The following AMER3 variants were observed in gnomAD, a reference collection of about 807,000 sequenced individuals.
The protein encoded by AMER3 is family with sequence similarity 123C.
For missense variants in AMER3, 1,201 were observed against 1,139.4 expected, an observed-to-expected ratio of 1.05 and a Z score of -0.78; for synonymous variants, 541 against 485.5, an observed-to-expected ratio of 1.11 and a Z score of -1.50.
Position 130,766,532 on chromosome 2 carries a change from C to T in AMER3, c.*1874C>T, listed in dbSNP as rs1678988129. 1 of 145,486 alleles carries T rather than the reference C, an allele frequency of 6.9e-6. No individual in the cohort carries two copies. Among genetic ancestry groups the T allele is most frequent in the Non-Finnish European group, 1.5e-5 (1 of 67,054 alleles). The allele number at this position is 145,486 out of a possible 1,614,324, so 9.0% of individuals were successfully genotyped here. ...TTGAGACAGGGTCTCACTTTGTTGC[C>T]CAGGTGGGAATGGGAGTGCAGTGGC... is the stretch of plus-strand genomic sequence containing the variant. On this transcript the variant is annotated 3_prime_UTR_variant, in exon 2 of 2. Coordinates refer to ENST00000321420, the MANE Select transcript of AMER3 (RefSeq NM_152698.3).
chr2:130,762,628 T>A lies in AMER3; in HGVS notation c.556T>A (p.Ser186Thr), dbSNP rs780375294. Residue 186 changes from serine to threonine, a missense_variant, in exon 2 of 2, where the codon TCC (serine) becomes ACC (threonine). Coordinates refer to ENST00000321420, the MANE Select transcript of AMER3 (RefSeq NM_152698.3). The stretch of plus-strand genomic sequence containing the variant: ...GGCGGCCGAGGGGAAAAGCCTGCCC[T>A]CCCCAGGGGACCCGTCAGACCCTGG... ...SLAAEGKSLP[S>T]PGDPSDPGGR... 5.0e-6 allele frequency: 8 copies of A among 1,611,648 alleles called. No homozygotes were observed. In the East Asian group the frequency reaches 1.6e-4, roughly 31 times the overall value.
chr2:130,762,414 T>C lies in AMER3; in HGVS notation c.342T>C (p.Ser114=), dbSNP rs757905929. ...ATAATGQLVG[S]ASFPGSPGSR... is the part of the protein sequence containing the mutation. ...CTGCCACAGGGCAGCTGGTGGGCAG[T>C]GCAAGCTTCCCGGGCTCCCCGGGCA... Residue 114 remains serine (S), a synonymous_variant, in exon 2 of 2, where the codon AGT becomes AGC. Transcript: ENST00000321420. The C allele has an allele frequency of 4.4e-5, 71 of 1,612,306 alleles. No homozygotes were observed. The highest frequency in any genetic ancestry group is 1.7e-4 in the Middle Eastern group (1 of 5,996).
Position 130,764,055 on chromosome 2 carries a change from T to G in AMER3, c.1983T>G (p.Gly661=). Residue 661 remains glycine, a synonymous_variant, in exon 2 of 2, where the codon GGT becomes GGG. Transcript: ENST00000321420. The part of the protein sequence containing the change: ...LGCFRGPWRP[G]HGGDTLDAEP... ...GTTTCCGAGGCCCCTGGAGGCCAGG[T>G]CACGGAGGTGACACTCTGGATGCAG... is the stretch of plus-strand genomic sequence containing the variant. The G allele has an allele frequency of 6.2e-7, 1 of 1,612,434 alleles. No individual in the cohort carries two copies. Among genetic ancestry groups the G allele is most frequent in the African/African-American group, 1.3e-5 (1 of 75,000 alleles).
rs950828662 is a variant in AMER3, at chr2:130,766,359, A to G, written c.*1701A>G. On this transcript the variant is annotated 3_prime_UTR_variant, in exon 2 of 2. Coordinates refer to ENST00000321420, the MANE Select transcript of AMER3 (RefSeq NM_152698.3). ...GGGCCTGAAGGGCGTCCCCTCAGGA[A>G]CATTGTATTACTGTTTTGTGTTGCT... The G allele has an allele frequency of 2.4e-5, 4 of 167,106 alleles. No individual in the cohort carries two copies. Among genetic ancestry groups the G allele is most frequent in the African/African-American group, 9.6e-5 (4 of 41,458 alleles). The allele number at this position is 167,106 out of a possible 1,614,324, so 10.4% of individuals were successfully genotyped here.
intron 1 of AMER3, among the ~76,000 whole-genome samples, chr2:130,759,713 T>G (rs1244952576): frequency 6.6e-6 from 1 of 152,238 alleles, no homozygotes; most frequent in Non-Finnish European, 1.5e-5. Context: ...CAAAAGAGTC[T>G]GAGCTGTCGG....
At chr2:130,759,654 C>T (rs570211049) in intron 1 of AMER3, among the ~76,000 whole-genome samples, 6 of 152,242 alleles carry the variant, frequency 3.9e-5, no homozygotes, top group African/African-American at 1.4e-4. Flanking sequence ...TTGTGTTTTA[C>T]AATATTTTTC....
rs1297298563 is a variant in AMER3 at position 130,762,263 on chromosome 2, G to T, written c.191G>T (p.Arg64Ile). The T allele has an allele frequency of 1.3e-6, 2 of 1,579,674 alleles. 1 individual carries two copies. The highest frequency in any genetic ancestry group is 2.3e-5 in the South Asian group (2 of 86,620). ...QASPSAQEYD[R>I]CPNKGAQLDP... ...AGCCCCAGTGCCCAAGAATACGACA[G>T]ATGCCCCAACAAAGGGGCGCAGCTG... The change falls in exon 2 of 2, where the codon AGA becomes ATA. Residue 64 changes from arginine (R) to isoleucine (I), a missense_variant. Transcript: ENST00000321420.
rs373041378 is a variant in AMER3 at position 130,762,705 on chromosome 2, C to A, written c.633C>A (p.Asp211Glu). The A allele has an allele frequency of 1.2e-6, 2 of 1,611,570 alleles. No homozygotes were observed. Among genetic ancestry groups the A allele is most frequent in the Admixed American group, 3.3e-5 (2 of 60,008 alleles). Residue 211 changes from aspartate (D) to glutamate (E), a missense_variant, in exon 2 of 2, where the codon GAC becomes GAA. Asp to Glu is a conservative substitution (Grantham distance 45). Transcript: ENST00000321420. ...FLPPGEGPGL[D>E]GLCQDLLDSE... is the part of the protein sequence containing the mutation. The stretch of plus-strand genomic sequence containing the variant: ...CCCCGGGTGAGGGGCCGGGGCTGGA[C>A]GGCCTGTGCCAGGACCTGTTGGACA...
Position 130,762,267 on chromosome 2 carries a change from C to T in AMER3, c.195C>T (p.Cys65=). Residue 65 remains cysteine (C), a synonymous_variant, in exon 2 of 2, where the codon TGC becomes TGT. Coordinates refer to ENST00000321420, the MANE Select transcript of AMER3 (RefSeq NM_152698.3). ...ASPSAQEYDR[C]PNKGAQLDPK... is the part of the protein sequence containing the mutation. The stretch of plus-strand genomic sequence containing the variant: ...CCAGTGCCCAAGAATACGACAGATG[C>T]CCCAACAAAGGGGCGCAGCTGGACC... 1 of 1,579,998 alleles carries T rather than the reference C, an allele frequency of 6.3e-7. No individual in the cohort carries two copies. The highest frequency in any genetic ancestry group is 1.9e-5 in the Admixed American group (1 of 53,168).
chr2:130,763,796 C>G lies in AMER3; in HGVS notation c.1724C>G (p.Thr575Arg). The change falls in exon 2 of 2, where the codon ACA becomes AGA. Residue 575 changes from threonine to arginine, a missense_variant. Thr to Arg is a moderately conservative substitution (Grantham distance 71). Transcript: ENST00000321420. Reference protein sequence around the residue: ...RQELWAHPGTTGLLAGESKAL... With the variant: ...RQELWAHPGTRGLLAGESKAL... ...GAGCTGTGGGCACACCCGGGCACCA[C>G]AGGCCTGCTCGCCGGAGAGAGCAAG... The G allele has an allele frequency of 6.2e-7, 1 of 1,610,910 alleles. No homozygotes were observed. Among genetic ancestry groups the G allele is most frequent in the Non-Finnish European group, 8.5e-7 (1 of 1,178,890 alleles).
chr2:130,763,476 G>A lies in AMER3; in HGVS notation c.1404G>A (p.Glu468=). Residue 468 remains glutamate, a synonymous_variant, in exon 2 of 2, where the codon GAG becomes GAA. Transcript: ENST00000321420. Reference sequence around the variant, plus strand: ...GCAGCTTCCGAGTGGGGGCCGAGGAGAACTTGGCCCCAGCACCAGGCCCTG... The same window carrying A: ...GCAGCTTCCGAGTGGGGGCCGAGGAAAACTTGGCCCCAGCACCAGGCCCTG... ...SICSFRVGAE[E]NLAPAPGPDL... The A allele has an allele frequency of 6.2e-7, 1 of 1,612,566 alleles. No individual in the cohort carries two copies. The highest frequency in any genetic ancestry group is 8.5e-7 in the Non-Finnish European group (1 of 1,179,656).
chr2:130,763,362 C>A lies in AMER3; in HGVS notation c.1290C>A (p.Ser430Arg), dbSNP rs138397613. Residue 430 changes from serine to arginine, a missense_variant, in exon 2 of 2, where the codon AGC becomes AGA. Transcript: ENST00000321420. The part of the protein sequence containing the change: ...DALYELFHDP[S>R]EGPLGPSPDD... The stretch of plus-strand genomic sequence containing the variant: ...TCTACGAGCTCTTCCACGACCCCAG[C>A]GAGGGTCCTCTTGGCCCCAGCCCAG... 4 of 1,613,278 alleles carry A rather than the reference C, an allele frequency of 2.5e-6. No individual in the cohort carries two copies. The highest frequency in any genetic ancestry group is 1.7e-6 in the Non-Finnish European group (2 of 1,180,004).
At position 130,762,702 on chromosome 2, in the gene AMER3, GGAC is replaced by G. The variant is rs751999214; in HGVS notation, c.632_634del (p.Asp211del). 4 of 1,611,580 alleles carry G rather than the reference GGAC, an allele frequency of 2.5e-6. No individual in the cohort carries two copies. In the Admixed American group the frequency reaches 6.7e-5, roughly 27 times the overall value. On this transcript the variant is annotated inframe_deletion, in exon 2 of 2. Coordinates refer to ENST00000321420, the MANE Select transcript of AMER3 (RefSeq NM_152698.3). ...TCCCCCCGGGTGAGGGGCCGGGGCT[GGAC>G]GGCCTGTGCCAGGACCTGTTGGACA...
In AMER3 at chr2:130,764,077, G is replaced by C. The variant is rs372093901; in HGVS notation, c.2005G>C (p.Ala669Pro). ...AGGTCACGGAGGTGACACTCTGGAT[G>C]CAGAGCCCATGCTGGCAGGCTGTGT... ...RPGHGGDTLD[A>P]EPMLAGCVAR... The change falls in exon 2 of 2, where the codon GCA (alanine) becomes CCA (proline). Residue 669 changes from alanine (A) to proline (P), a missense_variant. Ala to Pro is a conservative substitution (Grantham distance 27). Coordinates refer to ENST00000321420, the MANE Select transcript of AMER3 (RefSeq NM_152698.3). 1.6e-5 allele frequency: 26 copies of C among 1,612,148 alleles called. No homozygotes were observed. Among genetic ancestry groups the C allele is most frequent in the Non-Finnish European group, 2.1e-5 (25 of 1,179,410 alleles).
In AMER3 at chr2:130,762,701, T is replaced by C; in HGVS notation, c.629T>C (p.Leu210Pro). The change falls in exon 2 of 2, where the codon CTG (leucine) becomes CCG (proline). Residue 210 changes from leucine to proline, a missense_variant. Physicochemically the swap from Leu to Pro is moderately conservative, Grantham distance 98. Transcript: ENST00000321420. ...AFLPPGEGPGLDGLCQDLLDS... is the reference protein window; with the variant it reads ...AFLPPGEGPGPDGLCQDLLDS... ...CTCCCCCCGGGTGAGGGGCCGGGGC[T>C]GGACGGCCTGTGCCAGGACCTGTTG... 1 of 1,611,536 alleles carries C rather than the reference T, an allele frequency of 6.2e-7. No homozygotes were observed. The highest frequency in any genetic ancestry group is 1.3e-5 in the African/African-American group (1 of 74,990).
Position 130,763,061 on chromosome 2 carries a change from C to T in AMER3, c.989C>T (p.Ser330Leu). The T allele has an allele frequency of 1.2e-6, 2 of 1,613,070 alleles. No homozygotes were observed. The highest frequency in any genetic ancestry group is 1.7e-6 in the Non-Finnish European group (2 of 1,179,886). The change falls in exon 2 of 2, where the codon TCA becomes TTA. Residue 330 changes from serine (S) to leucine (L), a missense_variant. Coordinates refer to ENST00000321420, the MANE Select transcript of AMER3 (RefSeq NM_152698.3). ...CGTGCCCTCCTAGGCCCGTGGCTTT[C>T]AGGCCCCCAGGGGACAGACAGGGAC... ...QQRALLGPWL[S>L]GPQGTDRDQS...
Position 130,764,442 on chromosome 2 carries a change from G to C in AMER3, c.2370G>C (p.Gln790His). ...TGGAGCAGGTGGCACACGGCAGCCA[G>C]CTGGACTCTGAGCCCCGCTCAGCCC... ...EAVEQVAHGS[Q>H]LDSEPRSAPA... The change falls in exon 2 of 2, where the codon CAG (glutamine) becomes CAC (histidine). Residue 790 changes from glutamine (Q) to histidine (H), a missense_variant. By Grantham distance (24) the Gln-to-His change is conservative. Coordinates refer to ENST00000321420, the MANE Select transcript of AMER3 (RefSeq NM_152698.3). 2.5e-6 allele frequency: 4 copies of C among 1,605,292 alleles called. No homozygotes were observed. The highest frequency in any genetic ancestry group is 3.4e-6 in the Non-Finnish European group (4 of 1,176,552).
chr2:130,758,365 G>A (rs1350127218), intron 1 of AMER3, among the ~76,000 whole-genome samples: 3 of 141,518 alleles, frequency 2.1e-5, no homozygotes, highest in African/African-American at 2.6e-5. Context: ...AAAGAAAGAA[G>A]GAAAGAAGGA....
In AMER3 at chr2:130,766,978, G is replaced by C. The variant is rs1373841098; in HGVS notation, c.*2320G>C. ...GGGAAGAAGCCAATGGATTCTCCTC[G>C]GCTCTGCCTGCAAGTAACAAAGGCT... On this transcript the variant is annotated 3_prime_UTR_variant, in exon 2 of 2. Coordinates refer to ENST00000321420, the MANE Select transcript of AMER3 (RefSeq NM_152698.3). 1 of 167,038 alleles carries C rather than the reference G, an allele frequency of 6.0e-6. No homozygotes were observed. The highest frequency in any genetic ancestry group is 1.9e-4 in the East Asian group (1 of 5,182). The allele number at this position is 167,038 out of a possible 1,614,324, so 10.3% of individuals were successfully genotyped here.
Sources: allele counts gnomAD v4.1 joint callset (sites outside exome capture counted in the v4.1 genomes callset), GRCh38; gene constraint gnomAD v4.1.1; transcripts MANE v1.5; gene names NCBI Gene and HGNC (gene_info 2026-07-23, HGNC 2026-07-21).